TAFA1: variants seen among roughly 807,000 people sequenced by gnomAD.
The protein encoded by TAFA1 is chemokine-like protein TAFA-1.
Under a neutral mutation model 18.5 loss-of-function variants are expected in TAFA1, and 4 were observed. The ratio of observed to expected loss-of-function variants is 0.22; its 90% CI spans 0.11 to 0.49. The LOEUF (loss-of-function observed/expected upper bound fraction) is 0.49. Among genes scored for constraint, TAFA1 ranks in the 20% least tolerant of loss-of-function variants. The pLI is 0.98. For missense variants in TAFA1, 147 were observed against 169.0 expected, an observed-to-expected ratio of 0.87 and a Z score of 0.72; for synonymous variants, 56 against 55.2, an observed-to-expected ratio of 1.01 and a Z score of -0.06.
Position 68,443,473 on chromosome 3 carries a change from C to CAA in TAFA1, c.259+26075_259+26076dup, listed in dbSNP as rs56944130. Among the ~76,000 whole-genome samples the CAA allele has an allele frequency of 5.9e-3, 562 of 96,034 alleles. 8 individuals are homozygous for CAA. Among genetic ancestry groups the CAA allele is most frequent in the African/African-American group, 0.017 (444 of 26,100 alleles). 63.0% of individuals were successfully genotyped at this position (96,034 alleles called of 152,430 possible). ...GACACACCAGAGACTGGGCAATTTACAAAAAAAAAAAAAAAAAAAAAAACA... is the reference window on the plus strand; with the variant it reads ...GACACACCAGAGACTGGGCAATTTACAAAAAAAAAAAAAAAAAAAAAAAAACA... On this transcript the variant is annotated intron_variant, in intron 3 of 4. Coordinates refer to ENST00000478136, the MANE Select transcript of TAFA1 (RefSeq NM_213609.4).
chr3:68,412,328 G>T (rs1575844147), intron 2 of TAFA1, among the ~76,000 whole-genome samples: 1 of 147,256 alleles, frequency 6.8e-6, no homozygotes, highest in South Asian at 2.4e-4. Context: ...TAAAACATGG[G>T]CAAGTTTCTT....
chr3:68,083,643 T>A (rs1350166163), intron 2 of TAFA1, among the ~76,000 whole-genome samples: 1 of 152,014 alleles, frequency 6.6e-6, no homozygotes, highest in African/African-American at 2.4e-5. Flanking sequence ...GGAAATGGAG[T>A]TAAATGGGAA....
intron 2 of TAFA1, among the ~76,000 whole-genome samples, chr3:68,240,643 G>A (rs1392182444): frequency 1.3e-5 from 2 of 152,078 alleles, no homozygotes; most frequent in East Asian, 1.9e-4. Flanking sequence ...ATGTCCTAGC[G>A]TCTGAACTGT....
intron 1 of TAFA1, chr3:68,006,164 T>G (rs1704352628): frequency 1.3e-5 from 2 of 158,314 alleles, no homozygotes; most frequent in Admixed American, 6.0e-5. Flanking sequence ...GCATTGCAAT[T>G]AAAAATTCAT....
intron 2 of TAFA1, among the ~76,000 whole-genome samples, chr3:68,037,676 T>C (rs1342839775): frequency 6.6e-6 from 1 of 152,148 alleles, no homozygotes; most frequent in Non-Finnish European, 1.5e-5. Context: ...GTGGAAGGGA[T>C]CTTTTTCAGT....
intron 2 of TAFA1, among the ~76,000 whole-genome samples, chr3:68,122,986 G>A (rs2065419449): frequency 1.4e-5 from 2 of 147,934 alleles, no homozygotes; most frequent in Non-Finnish European, 1.5e-5. Flanking sequence ...AGAAAGAGCA[G>A]TAAAGAAAAA....
At chr3:68,368,536 C>T (rs2069616679) in intron 2 of TAFA1, among the ~76,000 whole-genome samples, 2 of 151,392 alleles carry the variant, frequency 1.3e-5, no homozygotes, top group South Asian at 2.1e-4. Context: ...ATAAAGACAG[C>T]AGGGATGTCA....
intron 2 of TAFA1, among the ~76,000 whole-genome samples, chr3:68,068,624 C>G (rs2064713511): frequency 6.6e-6 from 1 of 152,182 alleles, no homozygotes; most frequent in African/African-American, 2.4e-5. Context: ...CCCGAGAGAA[C>G]ATGGAACTGG....
At chr3:68,507,532 A>G (rs2072778183) in intron 3 of TAFA1, among the ~76,000 whole-genome samples, 1 of 152,084 alleles carries the variant, frequency 6.6e-6, no homozygotes, top group South Asian at 2.1e-4. Context: ...TTCTACCTAT[A>G]CTTAAGCTGT....
chr3:68,516,355 G>A (rs967679906), intron 3 of TAFA1, among the ~76,000 whole-genome samples: 2 of 152,148 alleles, frequency 1.3e-5, no homozygotes, highest in African/African-American at 4.8e-5. Flanking sequence ...TGACTTCTCA[G>A]TCTGGTGCTT....
At chr3:68,198,181 A>G (rs181472087) in intron 2 of TAFA1, among the ~76,000 whole-genome samples, 1 of 151,774 alleles carries the variant, frequency 6.6e-6, no homozygotes. Flanking sequence ...TTTAAGTTTT[A>G]TCCATGTCTG....
At position 68,006,638 on chromosome 3, in the gene TAFA1, C is replaced by T. The variant is rs369077902; in HGVS notation, c.12C>T (p.Val4=). MAM[V]SAMSWVLYLW... ...GTTCTCTTTAGAGAATGGCAATGGT[C>T]TCTGCGATGTCCTGGGTCCTGTATT... is the stretch of plus-strand genomic sequence containing the variant. Residue 4 remains valine (V), a synonymous_variant, in exon 2 of 5, where the codon GTC becomes GTT. Coordinates refer to ENST00000478136, the MANE Select transcript of TAFA1 (RefSeq NM_213609.4). 11 of 1,613,086 alleles carry T rather than the reference C, an allele frequency of 6.8e-6. No homozygotes were observed. In the African/African-American group the frequency reaches 9.3e-5, roughly 14 times the overall value.
At chr3:68,015,220 A>AT (rs1313035964) in intron 2 of TAFA1, among the ~76,000 whole-genome samples, 1 of 152,148 alleles carries the variant, frequency 6.6e-6, no homozygotes, top group Non-Finnish European at 1.5e-5. Flanking sequence ...AATGAAGACA[A>AT]TAGTTGATTC....
chr3:68,287,266 C>T (rs1274835483), intron 2 of TAFA1, among the ~76,000 whole-genome samples: 1 of 152,108 alleles, frequency 6.6e-6, no homozygotes, highest in African/African-American at 2.4e-5. Flanking sequence ...AATGTGACTC[C>T]CATTATCGCC....
chr3:68,149,881 A>G (rs1302348824), intron 2 of TAFA1, among the ~76,000 whole-genome samples: 1 of 152,202 alleles, frequency 6.6e-6, no homozygotes, highest in Non-Finnish European at 1.5e-5. Flanking sequence ...TGACAAGGAA[A>G]TAGAAGTTAG....
intron 2 of TAFA1, among the ~76,000 whole-genome samples, chr3:68,363,568 TCC>T (rs1240867827): frequency 6.6e-6 from 1 of 152,156 alleles, no homozygotes; most frequent in Non-Finnish European, 1.5e-5. Flanking sequence ...TCTTGCCCTA[TCC>T]AGAGAAAGCC....
At chr3:68,078,161 G>T (rs2064850995) in intron 2 of TAFA1, among the ~76,000 whole-genome samples, 2 of 152,130 alleles carry the variant, frequency 1.3e-5, no homozygotes, top group African/African-American at 2.4e-5. Flanking sequence ...CATTGATTTT[G>T]TATCCTGAGA....
intron 2 of TAFA1, among the ~76,000 whole-genome samples, chr3:68,083,114 G>T (rs1035036687): frequency 6.6e-6 from 1 of 152,128 alleles, no homozygotes; most frequent in East Asian, 1.9e-4. Context: ...GCATAATGGA[G>T]CCCGAAAGGA....
intron 2 of TAFA1, among the ~76,000 whole-genome samples, chr3:68,380,600 A>G (rs1486988116): frequency 6.6e-6 from 1 of 152,046 alleles, no homozygotes; most frequent in African/African-American, 2.4e-5. Context: ...TCCTTCGCCC[A>G]CTTTTTGATA....
Sources: allele counts gnomAD v4.1 joint callset (sites outside exome capture counted in the v4.1 genomes callset), GRCh38; gene constraint gnomAD v4.1.1; transcripts MANE v1.5; gene names NCBI Gene and HGNC (gene_info 2026-07-23, HGNC 2026-07-21).